Variants in CSMD1 observed in about 807,000 individuals in gnomAD.
The protein encoded by CSMD1 is CUB and Sushi multiple domains 1.
CSMD1 carries 213 observed loss-of-function variants against 417.5 expected under a neutral mutation model. That is an observed-to-expected ratio of 0.51 (90% CI 0.46 to 0.57). CSMD1 has a LOEUF of 0.57. Ranked by LOEUF, CSMD1 falls within the 20% of genes least tolerant of loss-of-function variation. CSMD1 has a pLI of 0.00. For missense variants in CSMD1, 6,923 were observed against 4,529.7 expected, an observed-to-expected ratio of 1.53 and a Z score of -15.17; for synonymous variants, 2,862 against 1,736.8, an observed-to-expected ratio of 1.65 and a Z score of -16.11.
chr8:3,859,318 G>A (rs777350892), intron 5 of CSMD1, among the ~76,000 whole-genome samples: 4 of 152,090 alleles, frequency 2.6e-5, no homozygotes, highest in African/African-American at 7.2e-5. Flanking sequence ...ACATTCGCTC[G>A]GCCTATTTTT....
intron 3 of CSMD1, among the ~76,000 whole-genome samples, chr8:4,182,838 A>G (rs1349664988): frequency 3.9e-5 from 6 of 152,214 alleles, no homozygotes; most frequent in African/African-American, 7.2e-5. Context: ...GGTCATTCTA[A>G]TTATTGAGAC....
At chr8:4,049,318 G>A (rs1442851324) in intron 3 of CSMD1, among the ~76,000 whole-genome samples, 1 of 151,372 alleles carries the variant, frequency 6.6e-6, no homozygotes, top group South Asian at 2.1e-4. Context: ...AACATCTCTG[G>A]CCTCTATCTA....
At chr8:3,061,344 T>C (rs944923341) in intron 49 of CSMD1, among the ~76,000 whole-genome samples, 3 of 152,220 alleles carry the variant, frequency 2.0e-5, no homozygotes, top group African/African-American at 7.2e-5. Flanking sequence ...TCAGATTTAA[T>C]GTAAAAGAAA....
chr8:3,041,499 C>T (rs1198580441), intron 50 of CSMD1, among the ~76,000 whole-genome samples: 2 of 152,172 alleles, frequency 1.3e-5, no homozygotes, highest in Non-Finnish European at 2.9e-5. Flanking sequence ...TTATCCATAG[C>T]ATCAGGTTAT....
At chr8:3,948,402 A>G (rs1309562186) in intron 5 of CSMD1, among the ~76,000 whole-genome samples, 1 of 152,160 alleles carries the variant, frequency 6.6e-6, no homozygotes, top group African/African-American at 2.4e-5. Flanking sequence ...AGAGGGAGGG[A>G]GAACAAGAAA....
At chr8:3,654,221 T>C (rs187936819) in intron 7 of CSMD1, among the ~76,000 whole-genome samples, 63 of 152,310 alleles carry the variant, frequency 4.1e-4, no homozygotes, top group South Asian at 1.9e-3. Context: ...TTTGACTGAA[T>C]TGTATGTAAA....
At chr8:4,042,146 T>C (rs2130641255) in intron 3 of CSMD1, among the ~76,000 whole-genome samples, 1 of 152,174 alleles carries the variant, frequency 6.6e-6, no homozygotes, top group East Asian at 1.9e-4. Flanking sequence ...AACTTCAAAA[T>C]TTACTAAAAC....
intron 2 of CSMD1, among the ~76,000 whole-genome samples, chr8:4,581,761 A>T (rs1299876251): frequency 2.6e-5 from 4 of 152,192 alleles, no homozygotes; most frequent in Admixed American, 2.6e-4. Flanking sequence ...CAACAAGACC[A>T]TCTTGGCAGA....
intron 12 of CSMD1, among the ~76,000 whole-genome samples, chr8:3,414,636 A>C (rs927114409): frequency 6.6e-6 from 1 of 152,152 alleles, no homozygotes; most frequent in African/African-American, 2.4e-5. Context: ...CTTTGTTCTT[A>C]GTCCAGATCC....
intron 1 of CSMD1, among the ~76,000 whole-genome samples, chr8:4,721,948 T>C (rs559050179): frequency 6.6e-6 from 1 of 152,316 alleles, no homozygotes; most frequent in East Asian, 1.9e-4. Flanking sequence ...ATTTATTTCA[T>C]ATCTATAATC....
intron 2 of CSMD1, among the ~76,000 whole-genome samples, chr8:4,469,686 C>A (rs530621002): frequency 6.6e-6 from 1 of 152,174 alleles, no homozygotes; most frequent in Admixed American, 6.5e-5. Context: ...GAACTCTTGT[C>A]ATCACAGGCC....
chr8:3,707,008 T>G (rs1224522774), intron 7 of CSMD1, among the ~76,000 whole-genome samples: 2 of 152,082 alleles, frequency 1.3e-5, no homozygotes, highest in Non-Finnish European at 2.9e-5. Context: ...TTTTTTCTTT[T>G]GGAAGTGGGA....
At chr8:3,393,263 C>T (rs147184705) in intron 17 of CSMD1, among the ~76,000 whole-genome samples, 100 of 152,288 alleles carry the variant, frequency 6.6e-4, no homozygotes, top group East Asian at 5.2e-3. Flanking sequence ...AAGTTCCAAA[C>T]GCAACAATTT....
intron 6 of CSMD1, among the ~76,000 whole-genome samples, chr8:3,748,183 A>G (rs1377106456): frequency 4.6e-5 from 7 of 152,206 alleles, no homozygotes; most frequent in African/African-American, 9.7e-5. Context: ...TCTGAGAGAA[A>G]TTAAAGTAGA....
intron 51 of CSMD1, among the ~76,000 whole-genome samples, chr8:3,019,089 T>G (rs1015922703): frequency 6.6e-6 from 1 of 152,156 alleles, no homozygotes; most frequent in African/African-American, 2.4e-5. Context: ...CGCTAATTTT[T>G]GTATTTTTAG....
At chr8:3,510,140 A>G (rs1198394266) in intron 10 of CSMD1, among the ~76,000 whole-genome samples, 3 of 149,390 alleles carry the variant, frequency 2.0e-5, no homozygotes, top group Non-Finnish European at 2.9e-5. Context: ...CAGAGAATAC[A>G]TATCTGTGTA....
chr8:4,203,504 C>T (rs184934359), intron 3 of CSMD1, among the ~76,000 whole-genome samples: 34 of 152,214 alleles, frequency 2.2e-4, no homozygotes, highest in South Asian at 1.9e-3. Flanking sequence ...GATGAGCAAA[C>T]GGAAGACTTT....
At chr8:4,415,784 T>G (rs1167638059) in intron 3 of CSMD1, among the ~76,000 whole-genome samples, 1 of 152,212 alleles carries the variant, frequency 6.6e-6, no homozygotes, top group Admixed American at 6.5e-5. Flanking sequence ...GCAATGTGTA[T>G]GAGCACACGT....
At chr8:3,701,858 G>C (rs1043721021) in intron 7 of CSMD1, among the ~76,000 whole-genome samples, 1 of 152,148 alleles carries the variant, frequency 6.6e-6, no homozygotes, top group Non-Finnish European at 1.5e-5. Flanking sequence ...AAAAGCCAGA[G>C]GGAGATGGAA....
Sources: allele counts gnomAD v4.1 joint callset (sites outside exome capture counted in the v4.1 genomes callset), GRCh38; gene constraint gnomAD v4.1.1; transcripts MANE v1.5; gene names NCBI Gene and HGNC (gene_info 2026-07-23, HGNC 2026-07-21).